ERICH2: variants seen among roughly 807,000 people sequenced by gnomAD.
The protein encoded by ERICH2 is glutamate-rich protein 2.
A neutral mutation model predicts 17.4 loss-of-function variants in ERICH2; 17 were observed. The observed-to-expected ratio is 0.98, with a 90% CI of 0.67 to 1.47. The LOEUF (loss-of-function observed/expected upper bound fraction) is 1.47. ERICH2 is among the 40% of genes most tolerant of loss of function. The probability of loss-of-function intolerance (pLI) is 0.00; values close to 1 mark genes in which losing one functional copy is unlikely to be tolerated. For synonymous variants in ERICH2, 51 were observed against 61.1 expected, an observed-to-expected ratio of 0.83 and a Z score of 0.77; for missense variants, 186 against 183.2, an observed-to-expected ratio of 1.01 and a Z score of -0.09.
upstream of ERICH2, among the ~76,000 whole-genome samples, chr2:170,780,573 A>C (rs529527943): frequency 6.6e-6 from 1 of 152,346 alleles, no homozygotes; most frequent in East Asian, 1.9e-4. Context: ...ACCCAGAACT[A>C]TACTAGCTAA....
At chr2:170,780,251 T>A (rs772611586), upstream of ERICH2, among the ~76,000 whole-genome samples, 1 of 152,176 alleles carries the variant, frequency 6.6e-6, no homozygotes, top group Non-Finnish European at 1.5e-5. Context: ...TTTTTCTTAG[T>A]TAGGGGCTTT....
At chr2:170,791,794 G>A (rs891476157) in intron 2 of ERICH2, among the ~76,000 whole-genome samples, 4 of 151,862 alleles carry the variant, frequency 2.6e-5, no homozygotes, top group African/African-American at 9.7e-5. Flanking sequence ...AAAATCTCCG[G>A]AAGAGTTATA....
upstream of ERICH2, among the ~76,000 whole-genome samples, chr2:170,780,812 C>G (rs1701008930): frequency 6.6e-6 from 1 of 152,138 alleles, no homozygotes; most frequent in Non-Finnish European, 1.5e-5. Flanking sequence ...AAAAAGACAT[C>G]AAAGCCCTTT....
At chr2:170,793,773 T>A (rs1701346082) in intron 3 of ERICH2, among the ~76,000 whole-genome samples, 1 of 152,228 alleles carries the variant, frequency 6.6e-6, no homozygotes, top group African/African-American at 2.4e-5. Flanking sequence ...CTACCTTATT[T>A]TTCTTTTTAT....
intron 2 of ERICH2, among the ~76,000 whole-genome samples, chr2:170,790,570 T>C (rs1392577974): frequency 2.0e-5 from 3 of 152,138 alleles, no homozygotes; most frequent in Non-Finnish European, 4.4e-5. Context: ...GAGATTGCAG[T>C]GAGCCGAGAT....
At chr2:170,780,668 C>T (rs1701005086), upstream of ERICH2, among the ~76,000 whole-genome samples, 1 of 152,090 alleles carries the variant, frequency 6.6e-6, no homozygotes, top group Admixed American at 6.5e-5. Flanking sequence ...TATTTTAACA[C>T]CTTTTACAAT....
the ERICH2 span, among the ~76,000 whole-genome samples, chr2:170,776,306 A>G: frequency 2.0e-5 from 3 of 152,218 alleles, no homozygotes; most frequent in Admixed American, 2.0e-4. Context: ...TATTAAAAAT[A>G]CCATAGCTTG....
chr2:170,788,446 C>T (rs1319665641), intron 2 of ERICH2, among the ~76,000 whole-genome samples: 2 of 151,318 alleles, frequency 1.3e-5, no homozygotes, highest in African/African-American at 2.4e-5. Context: ...TTTCACAATG[C>T]GTCCCTTTTT....
chr2:170,784,327 T>C (rs1233848689), intron 1 of ERICH2, among the ~76,000 whole-genome samples: 5 of 152,142 alleles, frequency 3.3e-5, no homozygotes, highest in African/African-American at 1.2e-4. Context: ...GTACAAGATA[T>C]AGTTAAGAAT....
At chr2:170,783,506 A>G (rs559532043), upstream of ERICH2, among the ~76,000 whole-genome samples, 1 of 152,282 alleles carries the variant, frequency 6.6e-6, no homozygotes, top group East Asian at 1.9e-4. Context: ...CCGAGATCAC[A>G]TCACTGAACT....
intron 4 of ERICH2, 119 bp from the exon 10 acceptor site, chr2:170,798,651 A>C: frequency 1.6e-6 from 2 of 1,264,644 alleles, no homozygotes; most frequent in Admixed American, 2.5e-5. Flanking sequence ...GCCAAGTCCA[A>C]CTCAGTTCTT....
the ERICH2 span, among the ~76,000 whole-genome samples, chr2:170,775,424 T>G: frequency 6.6e-6 from 1 of 152,008 alleles, no homozygotes; most frequent in African/African-American, 2.4e-5. Context: ...AGAGCGAGAC[T>G]CTGTCTCAAA....
intron 2 of ERICH2, among the ~76,000 whole-genome samples, chr2:170,786,330 T>G (rs1559253004): frequency 6.6e-6 from 1 of 152,112 alleles, no homozygotes. Context: ...TTTAGGGCTT[T>G]GAACGGTTGC....
At chr2:170,790,731 G>A (rs1479528328) in intron 2 of ERICH2, among the ~76,000 whole-genome samples, 1 of 151,428 alleles carries the variant, frequency 6.6e-6, no homozygotes, top group East Asian at 1.9e-4. Context: ...TTGAACCCAG[G>A]AGGCAGAGGT....
chr2:170,788,246 C>T (rs1236114327), intron 2 of ERICH2, among the ~76,000 whole-genome samples: 1 of 152,166 alleles, frequency 6.6e-6, no homozygotes, highest in African/African-American at 2.4e-5. Context: ...ACACCTAAAT[C>T]ATTCATGAAT....
intron 2 of ERICH2, among the ~76,000 whole-genome samples, chr2:170,785,476 C>T (rs900552477): frequency 2.0e-5 from 3 of 152,038 alleles, no homozygotes; most frequent in East Asian, 1.9e-4. Flanking sequence ...ATACACTGGG[C>T]ACCATGCTAG....
intron 2 of ERICH2, among the ~76,000 whole-genome samples, chr2:170,788,858 A>G (rs1283302599): frequency 5.9e-5 from 9 of 151,960 alleles, no homozygotes; most frequent in African/African-American, 1.2e-4. Flanking sequence ...TAGATTCACT[A>G]CTCATTAACA....
the ERICH2 span, among the ~76,000 whole-genome samples, chr2:170,773,048 G>A: frequency 6.6e-6 from 1 of 152,180 alleles, no homozygotes; most frequent in African/African-American, 2.4e-5. Context: ...CCTGAAGTCT[G>A]TGGAGTGTGG....
At chr2:170,782,472 C>T (rs2105688505), upstream of ERICH2, 11 of 571,210 alleles carry the variant, frequency 1.9e-5, no homozygotes, top group Non-Finnish European at 2.4e-5. Flanking sequence ...GAACTGACAA[C>T]TCTGTAGATC....
Sources: gnomAD v4.1 joint callset for allele counts (sites outside exome capture counted in the v4.1 genomes callset) on GRCh38, gnomAD v4.1.1 for gene constraint, MANE v1.5 for transcripts, NCBI Gene and HGNC (gene_info 2026-07-23, HGNC 2026-07-21) for gene names.